CHD3: variants seen among roughly 807,000 people sequenced by gnomAD.
The protein encoded by CHD3 is ATP-dependent chromatin remodeler CHD3.
Under a neutral mutation model 248.9 loss-of-function variants are expected in CHD3, and 52 were observed. The observed-to-expected ratio is 0.21, with a 90% CI of 0.17 to 0.26. The LOEUF (loss-of-function observed/expected upper bound fraction) is 0.26. Among genes scored for constraint, CHD3 ranks in the 10% least tolerant of loss-of-function variants. The pLI is 1.00. For synonymous variants in CHD3, 985 were observed against 985.2 expected, an observed-to-expected ratio of 1.00 and a Z score of 0.00; for missense variants, 1,482 against 2,605.8, an observed-to-expected ratio of 0.57 and a Z score of 9.39.
chr17:7,903,020 A>G lies in CHD3; in HGVS notation c.3454A>G (p.Ile1152Val), dbSNP rs751715336. The G allele has an allele frequency of 7.4e-6, 12 of 1,614,152 alleles. No individual in the cohort carries two copies. The East Asian group carries it at 2.7e-4, about 36-fold the overall frequency. ...GINLATADTVIIFDSDWNPHN... is the reference protein window; with the variant it reads ...GINLATADTVVIFDSDWNPHN... ...CAATCTGGCCACTGCTGACACTGTCATCATCTTTGATTCTGACTGGAACCC... is the reference window on the plus strand; with the variant it reads ...CAATCTGGCCACTGCTGACACTGTCGTCATCTTTGATTCTGACTGGAACCC... Residue 1152 changes from isoleucine (I) to valine (V), a missense_variant, in exon 22 of 40, where the codon ATC (isoleucine) becomes GTC (valine). By Grantham distance (29) the Ile-to-Val change is conservative. Transcript: ENST00000330494. This position sits in a 1 kb window ranked among gnomAD's most constrained non-coding sequence, Gnocchi z 6.8.
In CHD3 at chr17:7,911,319, A is replaced by AG. The variant is rs1971628336; in HGVS notation, c.5882-141dup. 8.1e-7 allele frequency: 1 copy of AG among 1,233,234 alleles called. No individual in the cohort carries two copies. The highest frequency in any genetic ancestry group is 1.2e-6 in the Non-Finnish European group (1 of 856,178). 76.4% of individuals were successfully genotyped at this position (1,233,234 alleles called of 1,614,324 possible). On this transcript the variant is annotated intron_variant, in intron 39 of 39. Coordinates refer to ENST00000330494, the MANE Select transcript of CHD3 (RefSeq NM_001005273.3). This position sits in a 1 kb window ranked among gnomAD's most constrained non-coding sequence, Gnocchi z 5.4. ...TAGCACAAAGTGGAATCTCAGGGAA[A>AG]GGGGTTTGCCCGGGTCTTCCCTCCC... is the stretch of plus-strand genomic sequence containing the variant.
At position 7,900,788 on chromosome 17, in the gene CHD3, A is replaced by G; in HGVS notation, c.2978+57A>G. The G allele has an allele frequency of 6.2e-7, 1 of 1,610,326 alleles. No homozygotes were observed. Among genetic ancestry groups the G allele is most frequent in the East Asian group, 2.2e-5 (1 of 44,776 alleles). ...GCTTGGGGATTGATGGGAGCGTTCC[A>G]AGTGCAATATCATAATTGCTTCCTT... On this transcript the variant is annotated intron_variant, in intron 18 of 39. Coordinates refer to ENST00000330494, the MANE Select transcript of CHD3 (RefSeq NM_001005273.3). The surrounding 1 kb of genome is among the most constrained non-coding windows in gnomAD (Gnocchi z 6.5).
chr17:7,894,937 G>A lies in CHD3; in HGVS notation c.1290G>A (p.Trp430Ter). The A allele has an allele frequency of 6.2e-7, 1 of 1,612,918 alleles. No individual in the cohort carries two copies. Among genetic ancestry groups the A allele is most frequent in the Non-Finnish European group, 8.5e-7 (1 of 1,179,536 alleles). Residue 430 changes from tryptophan (W) to a stop codon, truncating the protein, a stop_gained, in exon 9 of 40, where the codon TGG becomes TGA. Coordinates refer to ENST00000330494, the MANE Select transcript of CHD3 (RefSeq NM_001005273.3). LOFTEE classifies it high-confidence loss of function. ...CPHCEKEGVQWEAKEEEEEYE... is the reference protein window; with the variant it reads ...CPHCEKEGVQ ...CCTAGGAGAAGGAGGGGGTCCAGTG[G>A]GAGGCCAAGGAGGAAGAAGAAGAAT...
chr17:7,902,564 C>G (rs899006730), intron 20 of CHD3, 46 bp from the exon 21 acceptor site: 1 of 1,280,254 alleles, frequency 7.8e-7, no homozygotes, highest in African/African-American at 1.5e-5. Context: ...AAGCAAGCAT[C>G]CCACCACCTC....
Position 7,905,159 on chromosome 17 carries a change from C to T in CHD3, c.4132C>T (p.Pro1378Ser). The T allele has an allele frequency of 1.2e-6, 2 of 1,614,024 alleles. No homozygotes were observed. The highest frequency in any genetic ancestry group is 1.7e-6 in the Non-Finnish European group (2 of 1,179,888). The change falls in exon 26 of 40, where the codon CCT (proline) becomes TCT (serine). Residue 1378 changes from proline to serine, a missense_variant. Coordinates refer to ENST00000330494, the MANE Select transcript of CHD3 (RefSeq NM_001005273.3). This position sits in a 1 kb window ranked among gnomAD's most constrained non-coding sequence, Gnocchi z 5.8. Reference sequence around the variant, plus strand: ...GGAGGATGAAGACTTCGATGAACGTCCTGAAGGTGGCATCTGTGTTCCTGA... The same window carrying T: ...GGAGGATGAAGACTTCGATGAACGTTCTGAAGGTGGCATCTGTGTTCCTGA... Reference protein sequence around the residue: ...EEEDEDFDERPEGRRQSKRQL... With the variant: ...EEEDEDFDERSEGRRQSKRQL...
rs776281485 is a variant in CHD3 at position 7,904,605 on chromosome 17, C to T, written c.4058C>T (p.Ala1353Val). ...VRKQVNYNDA[A>V]QEDQDNQSEY... is the part of the protein sequence containing the mutation. ...AAGCAAGTTAACTACAATGATGCTGCTCAGGAAGACCAAGGTGAGGACTGC... is the reference window on the plus strand; with the variant it reads ...AAGCAAGTTAACTACAATGATGCTGTTCAGGAAGACCAAGGTGAGGACTGC... The change falls in exon 25 of 40, where the codon GCT becomes GTT. Residue 1353 changes from alanine (A) to valine (V), a missense_variant. Ala to Val is a moderately conservative substitution (Grantham distance 64, BLOSUM62 0). This residue lies in a region of CHD3 where 156 missense variants were observed against 420.3 expected (regional missense o/e 0.37). Coordinates refer to ENST00000330494, the MANE Select transcript of CHD3 (RefSeq NM_001005273.3). The surrounding 1 kb of genome is among the most constrained non-coding windows in gnomAD (Gnocchi z 4.4). 1 of 1,613,716 alleles carries T rather than the reference C, an allele frequency of 6.2e-7. No homozygotes were observed. Among genetic ancestry groups the T allele is most frequent in the Admixed American group, 1.7e-5 (1 of 60,002 alleles).
chr17:7,887,133 A>G (rs1194162333), upstream of CHD3, among the ~76,000 whole-genome samples: 1 of 152,064 alleles, frequency 6.6e-6, no homozygotes, highest in Non-Finnish European at 1.5e-5. Context: ...TGTCTACCTA[A>G]GTGTGGGGAA....
chr17:7,885,248 G>A (rs1333096537), upstream of CHD3: 1 of 531,246 alleles, frequency 1.9e-6, no homozygotes, highest in African/African-American at 2.1e-5. Context: ...GGTCGGGGCG[G>A]GCGGTGGCGG....
chr17:7,900,081 A>T lies in CHD3; in HGVS notation c.2682+48A>T. On this transcript the variant is annotated intron_variant, in intron 16 of 39. Transcript: ENST00000330494. The surrounding 1 kb of genome is among the most constrained non-coding windows in gnomAD (Gnocchi z 6.5). ...AAAAACTTGAAGTTGTGGACTTCCCACTTGCCTTGGTCCTAAAAAACAACA... is the reference window on the plus strand; with the variant it reads ...AAAAACTTGAAGTTGTGGACTTCCCTCTTGCCTTGGTCCTAAAAAACAACA... 6.4e-7 allele frequency: 1 copy of T among 1,571,888 alleles called. No homozygotes were observed. Among genetic ancestry groups the T allele is most frequent in the Non-Finnish European group, 8.6e-7 (1 of 1,156,076 alleles).
Position 7,910,293 on chromosome 17 carries a change from C to CTT in CHD3, c.5591-133_5591-132dup, listed in dbSNP as rs1316731356. The CTT allele has an allele frequency of 9.3e-7, 1 of 1,073,690 alleles. No homozygotes were observed. Among genetic ancestry groups the CTT allele is most frequent in the African/African-American group, 1.6e-5 (1 of 63,866 alleles). 66.5% of individuals were successfully genotyped at this position (1,073,690 alleles called of 1,614,324 possible). A position where few individuals can be genotyped will look rare whatever the true frequency, so the allele number is the denominator to read the frequency against. On this transcript the variant is annotated intron_variant, in intron 37 of 39. Coordinates refer to ENST00000330494, the MANE Select transcript of CHD3 (RefSeq NM_001005273.3). This position sits in a 1 kb window ranked among gnomAD's most constrained non-coding sequence, Gnocchi z 4.7. ...TCTTTTACTTTCTTGATCTCTGGTT[C>CTT]TTTGACATCTGTGTTCTCCTCTCTC...
intron 20 of CHD3, among the ~76,000 whole-genome samples, chr17:7,901,692 G>T (rs1297011860): frequency 6.6e-6 from 1 of 151,746 alleles, no homozygotes; most frequent in Non-Finnish European, 1.5e-5. Flanking sequence ...TGTATTTTTA[G>T]TAGAGACGGG....
At position 7,906,312 on chromosome 17, in the gene CHD3, G is replaced by T; in HGVS notation, c.4359-241G>T. ...GAGCTGGTGGAAAGGATGAAGAGCT[G>T]ACTGATGGGGCCCAGGAATTAAGTA... is the stretch of plus-strand genomic sequence containing the variant. On this transcript the variant is annotated intron_variant, in intron 28 of 39. Coordinates refer to ENST00000330494, the MANE Select transcript of CHD3 (RefSeq NM_001005273.3). The surrounding 1 kb of genome is among the most constrained non-coding windows in gnomAD (Gnocchi z 5.0). The T allele has an allele frequency of 1.5e-6, 1 of 676,754 alleles. No individual in the cohort carries two copies. The highest frequency in any genetic ancestry group is 2.6e-6 in the Non-Finnish European group (1 of 377,576). 41.9% of individuals were successfully genotyped at this position (676,754 alleles called of 1,614,324 possible).
chr17:7,910,332 C>T lies in CHD3; in HGVS notation c.5591-96C>T. ...TTCTCCTCTCTCGCTCTTTTTCTGC[C>T]TGTATCTGTCCATCTGATGCCTCTC... On this transcript the variant is annotated intron_variant, in intron 37 of 39. Coordinates refer to ENST00000330494, the MANE Select transcript of CHD3 (RefSeq NM_001005273.3). The surrounding 1 kb of genome is among the most constrained non-coding windows in gnomAD (Gnocchi z 4.7). The T allele has an allele frequency of 6.9e-7, 1 of 1,451,864 alleles. No individual in the cohort carries two copies. Among genetic ancestry groups the T allele is most frequent in the Non-Finnish European group, 9.7e-7 (1 of 1,033,894 alleles). The allele number at this position is 1,451,864 out of a possible 1,614,324, so 89.9% of individuals were successfully genotyped here. A position where few individuals can be genotyped will look rare whatever the true frequency, so the allele number is the denominator to read the frequency against.
rs1418486806 is a variant in CHD3, at chr17:7,912,080, C to T, written c.*495C>T. On this transcript the variant is annotated 3_prime_UTR_variant, in exon 40 of 40. Coordinates refer to ENST00000330494, the MANE Select transcript of CHD3 (RefSeq NM_001005273.3). ...ATGAGCCCTGGGAGGGAGGAAGGGA[C>T]GAGGAGGGGTGGCTGCATGTTACCG... The T allele has an allele frequency of 3.1e-5, 8 of 259,260 alleles. No homozygotes were observed. Among genetic ancestry groups the T allele is most frequent in the South Asian group, 1.2e-4 (3 of 26,012 alleles). 16.1% of individuals were successfully genotyped at this position (259,260 alleles called of 1,614,324 possible). A position where few individuals can be genotyped will look rare whatever the true frequency, so the allele number is the denominator to read the frequency against.
intron 20 of CHD3, among the ~76,000 whole-genome samples, chr17:7,901,631 C>T (rs570455393): frequency 1.3e-3 from 199 of 151,800 alleles, no homozygotes; most frequent in Non-Finnish European, 2.6e-3. Flanking sequence ...CTGCCTCAGC[C>T]TCCCAAGTAG....
chr17:7,889,876 T>A lies in CHD3; in HGVS notation c.213+100T>A. The A allele has an allele frequency of 2.5e-6, 3 of 1,212,728 alleles. No homozygotes were observed. Among genetic ancestry groups the A allele is most frequent in the Non-Finnish European group, 3.5e-6 (3 of 853,628 alleles). 75.1% of individuals were successfully genotyped at this position (1,212,728 alleles called of 1,614,324 possible). A position where few individuals can be genotyped will look rare whatever the true frequency, so the allele number is the denominator to read the frequency against. On this transcript the variant is annotated intron_variant, in intron 2 of 39. Transcript: ENST00000330494. The surrounding 1 kb of genome is among the most constrained non-coding windows in gnomAD (Gnocchi z 4.5). ...CCTGATTACTGGTGTGGGGGTGGGGTTCTGAAGCCAGGGAGGCTTGATCCC... is the reference window on the plus strand; with the variant it reads ...CCTGATTACTGGTGTGGGGGTGGGGATCTGAAGCCAGGGAGGCTTGATCCC...
In CHD3 at chr17:7,912,071, A is replaced by G; in HGVS notation, c.*486A>G. On this transcript the variant is annotated 3_prime_UTR_variant, in exon 40 of 40. Transcript: ENST00000330494. ...GGGATGAAAATGAGCCCTGGGAGGG[A>G]GGAAGGGACGAGGAGGGGTGGCTGC... The G allele has an allele frequency of 3.7e-6, 1 of 269,800 alleles. No homozygotes were observed. Among genetic ancestry groups the G allele is most frequent in the Non-Finnish European group, 7.3e-6 (1 of 137,578 alleles). 16.7% of individuals were successfully genotyped at this position (269,800 alleles called of 1,614,324 possible).
In CHD3 at chr17:7,895,003, G is replaced by C. The variant is rs1597944667; in HGVS notation, c.1356G>C (p.Glu452Asp). Residue 452 changes from glutamate to aspartate, a missense_variant, in exon 9 of 40, where the codon GAG becomes GAC. Coordinates refer to ENST00000330494, the MANE Select transcript of CHD3 (RefSeq NM_001005273.3). The surrounding 1 kb of genome is among the most constrained non-coding windows in gnomAD (Gnocchi z 4.9). ...AGGAAGAAGGGGAGAAGGAGGAGGA[G>C]GATGATCACATGGAGTACTGCCGCG... ...EGEEEGEKEE[E>D]DDHMEYCRVC... 1 of 1,614,064 alleles carries C rather than the reference G, an allele frequency of 6.2e-7. No individual in the cohort carries two copies. Among genetic ancestry groups the C allele is most frequent in the Non-Finnish European group, 8.5e-7 (1 of 1,179,968 alleles).
At position 7,912,112 on chromosome 17, in the gene CHD3, A is replaced by G. The variant is rs1187191719; in HGVS notation, c.*527A>G. 1 of 234,616 alleles carries G rather than the reference A, an allele frequency of 4.3e-6. No homozygotes were observed. Among genetic ancestry groups the G allele is most frequent in the Non-Finnish European group, 8.5e-6 (1 of 118,120 alleles). 14.5% of individuals were successfully genotyped at this position (234,616 alleles called of 1,614,324 possible). ...GGGTGGCTGCATGTTACCGTCCCCT[A>G]CCTCTCCCCACGTGGAGGGTGGAGC... On this transcript the variant is annotated 3_prime_UTR_variant, in exon 40 of 40. Coordinates refer to ENST00000330494, the MANE Select transcript of CHD3 (RefSeq NM_001005273.3).
Sources: allele counts gnomAD v4.1 joint callset (sites outside exome capture counted in the v4.1 genomes callset), GRCh38; gene constraint gnomAD v4.1.1; regional missense constraint gnomAD v4.1.1; non-coding constraint Gnocchi (gnomAD v3.1); transcripts MANE v1.5; gene names NCBI Gene and HGNC (gene_info 2026-07-23, HGNC 2026-07-21).